The following BBX variants were observed in gnomAD, a reference collection of about 807,000 sequenced individuals.
BBX encodes HMG box transcription factor BBX.
In BBX, 30 loss-of-function variants were observed where a neutral mutation model predicts 100.2. The ratio of observed to expected loss-of-function variants is 0.30; its 90% CI spans 0.22 to 0.41. The LOEUF (loss-of-function observed/expected upper bound fraction) is 0.41. Ranked by LOEUF, BBX falls within the 10% of genes least tolerant of loss-of-function variation. The pLI is 1.00. For missense variants in BBX, 1,023 were observed against 1,129.8 expected (o/e 0.91, Z 1.35); for synonymous variants, 376 against 388.1 (o/e 0.97, Z 0.37).
intron 5 of BBX, among the ~76,000 whole-genome samples, chr3:107,720,023 A>G (rs2062413761): frequency 1.3e-5 from 2 of 152,166 alleles, no homozygotes; most frequent in African/African-American, 4.8e-5. Flanking sequence ...CCACTGTTTT[A>G]GCATCAGAGG....
At chr3:107,524,802 TG>T (rs63676262) in intron 1 of BBX, among the ~76,000 whole-genome samples, 7,811 of 21,120 alleles carry the variant, frequency 0.37, 747 homozygotes, top group Non-Finnish European at 0.39. Flanking sequence ...GGGGTGGAGG[TG>T]GGGGGGGGGG....
intron 3 of BBX, among the ~76,000 whole-genome samples, chr3:107,706,022 CTTTT>C (rs35648451): frequency 1.6e-5 from 2 of 128,858 alleles, no homozygotes. Flanking sequence ...GAGCTTGCTA[CTTTT>C]TTTTTTTTTT....
chr3:107,607,300 T>C (rs2107641952), intron 2 of BBX, among the ~76,000 whole-genome samples: 1 of 152,230 alleles, frequency 6.6e-6, no homozygotes, highest in South Asian at 2.1e-4. Flanking sequence ...TTTCACCGTG[T>C]TGGCTCCTGA....
intron 17 of BBX, 55 bp downstream of exon 17, chr3:107,801,336 T>G (rs2070448445): frequency 6.4e-7 from 1 of 1,561,002 alleles, no homozygotes; most frequent in East Asian, 2.3e-5. Context: ...TCAACCTCTT[T>G]GATGTGATTT....
At chr3:107,644,992 A>G (rs1459648419) in intron 2 of BBX, among the ~76,000 whole-genome samples, 2 of 152,190 alleles carry the variant, frequency 1.3e-5, no homozygotes, top group African/African-American at 4.8e-5. Flanking sequence ...TGATAGAGCC[A>G]TAAGCCAGAA....
chr3:107,789,693 C>A (rs1576821472), intron 13 of BBX, 94 bp from the exon 14 acceptor site: 2 of 880,376 alleles, frequency 2.3e-6, no homozygotes, highest in East Asian at 5.5e-5. Flanking sequence ...GCTTATTCCA[C>A]AGGAGGGAGG....
At chr3:107,797,472 TCAAAAA>T (rs2069852149) in intron 15 of BBX, among the ~76,000 whole-genome samples, 1 of 150,896 alleles carries the variant, frequency 6.6e-6, no homozygotes, top group Non-Finnish European at 1.5e-5. Context: ...CTTTTCTTTG[TCAAAAA>T]TAATTTCTAT....
At position 107,565,631 on chromosome 3, in the gene BBX, G is replaced by A. The variant is rs555875197; in HGVS notation, c.-84+39233G>A. 3.7e-3 allele frequency among the ~76,000 whole-genome samples: 563 copies of A among 151,292 alleles called. 4 individuals are homozygous for A. The highest frequency in any genetic ancestry group is 0.013 in the African/African-American group (536 of 41,340). ...ATTACAGATGCCCACCACCATGCCC[G>A]GATAATTTTTGTATTTTTAGTAGAG... On this transcript the variant is annotated intron_variant, in intron 2 of 17. Coordinates refer to ENST00000325805, the MANE Select transcript of BBX (RefSeq NM_001142568.3).
chr3:107,579,186 A>G (rs1357415568), intron 2 of BBX, among the ~76,000 whole-genome samples: 1 of 152,138 alleles, frequency 6.6e-6, no homozygotes, highest in Non-Finnish European at 1.5e-5. Flanking sequence ...TTGTTTTATT[A>G]TACTGCTTAT....
rs138876246 is a variant in BBX at position 107,541,063 on chromosome 3, G to A, written c.-84+14665G>A. Among the ~76,000 whole-genome samples the A allele has an allele frequency of 3.4e-3, 514 of 152,220 alleles. 3 individuals carry two copies. The highest frequency in any genetic ancestry group is 0.012 in the African/African-American group (487 of 41,526). ...GGCTGGCCACATGAAAGCATGCCTCGTTGGCTCTCTTATACTTGTTATTGC... is the reference window on the plus strand; with the variant it reads ...GGCTGGCCACATGAAAGCATGCCTCATTGGCTCTCTTATACTTGTTATTGC... On this transcript the variant is annotated intron_variant, in intron 2 of 17. Transcript: ENST00000325805.
intron 3 of BBX, among the ~76,000 whole-genome samples, chr3:107,679,792 G>A (rs777792403): frequency 6.6e-6 from 1 of 152,100 alleles, no homozygotes; most frequent in Admixed American, 6.6e-5. Context: ...TCTTGATGTC[G>A]TAGTACCTAA....
intron 5 of BBX, among the ~76,000 whole-genome samples, chr3:107,720,465 A>G (rs1310365336): frequency 2.0e-5 from 3 of 151,968 alleles, no homozygotes; most frequent in African/African-American, 7.2e-5. Flanking sequence ...GGAAAAGGGT[A>G]AGAGTAGAAG....
chr3:107,627,610 A>AT (rs1422307038), intron 2 of BBX, among the ~76,000 whole-genome samples: 1 of 152,114 alleles, frequency 6.6e-6, no homozygotes, highest in African/African-American at 2.4e-5. Context: ...TTATACATGC[A>AT]TTTTTTATGA....
chr3:107,780,129 T>C (rs1284537374), intron 13 of BBX, among the ~76,000 whole-genome samples: 3 of 152,106 alleles, frequency 2.0e-5, no homozygotes, highest in Non-Finnish European at 2.9e-5. Flanking sequence ...ATAGTCTCTG[T>C]GCCCTGGAGA....
chr3:107,545,595 C>A (rs137858018), intron 2 of BBX, among the ~76,000 whole-genome samples: 1 of 152,254 alleles, frequency 6.6e-6, no homozygotes, highest in African/African-American at 2.4e-5. Flanking sequence ...GGGTTAATTC[C>A]TTATGTTTGG....
intron 2 of BBX, among the ~76,000 whole-genome samples, chr3:107,585,509 G>A (rs573103761): frequency 1.3e-5 from 2 of 152,124 alleles, no homozygotes; most frequent in Non-Finnish European, 2.9e-5. Flanking sequence ...CAATTAAAAA[G>A]TCTTTAAATT....
intron 10 of BBX, among the ~76,000 whole-genome samples, chr3:107,759,707 A>C (rs1293935404): frequency 6.6e-6 from 1 of 152,212 alleles, no homozygotes; most frequent in African/African-American, 2.4e-5. Flanking sequence ...AGTTACCTGT[A>C]TGTGTATATA....
intron 2 of BBX, among the ~76,000 whole-genome samples, chr3:107,573,734 CT>C (rs113465217): frequency 2.0e-5 from 3 of 151,382 alleles, no homozygotes; most frequent in Non-Finnish European, 3.0e-5. Flanking sequence ...ATCTCTCTCT[CT>C]TTTTTTTTGA....
rs2063021013 is a variant in BBX at position 107,727,329 on chromosome 3, T to C, written c.406-1436T>C. 2.6e-5 allele frequency among the ~76,000 whole-genome samples: 4 copies of C among 152,222 alleles called. No homozygotes were observed. In the South Asian group the frequency reaches 8.3e-4, roughly 32 times the overall value. On this transcript the variant is annotated intron_variant, in intron 5 of 17. Coordinates refer to ENST00000325805, the MANE Select transcript of BBX (RefSeq NM_001142568.3). ...CACTTCCAGACAGCAGGCAAAGCTA[T>C]TTGTCTGCCTCAGCTTAATATGTAA...
Sources: allele counts gnomAD v4.1 joint callset (sites outside exome capture counted in the v4.1 genomes callset), GRCh38; gene constraint gnomAD v4.1.1; transcripts MANE v1.5; gene names NCBI Gene and HGNC (gene_info 2026-07-23, HGNC 2026-07-21).